Variants in DKK2 observed in about 807,000 individuals in gnomAD.
DKK2 encodes dickkopf-related protein 2.
A neutral mutation model predicts 28.1 loss-of-function variants in DKK2; 11 were observed. The ratio of observed to expected loss-of-function variants is 0.39; its 90% CI spans 0.25 to 0.65. The LOEUF (loss-of-function observed/expected upper bound fraction) is 0.65. Among genes scored for constraint, DKK2 ranks in the 30% least tolerant of loss-of-function variants. The probability of loss-of-function intolerance (pLI) is 0.47; values close to 1 mark genes in which losing one functional copy is unlikely to be tolerated. For synonymous variants in DKK2, 135 were observed against 126.5 expected, an observed-to-expected ratio of 1.07 and a Z score of -0.45; for missense variants, 326 against 335.5, an observed-to-expected ratio of 0.97 and a Z score of 0.22.
intron 1 of DKK2, among the ~76,000 whole-genome samples, chr4:106,928,155 C>G (rs1293593426): frequency 6.6e-6 from 1 of 151,990 alleles, no homozygotes; most frequent in East Asian, 1.9e-4. Context: ...TGACAAATAT[C>G]TGATGCAGAT....
intron 1 of DKK2, among the ~76,000 whole-genome samples, chr4:107,017,335 T>C (rs911428171): frequency 6.6e-6 from 1 of 152,040 alleles, no homozygotes; most frequent in African/African-American, 2.4e-5. Context: ...TTTAGTTTCC[T>C]CTTGAGCTTA....
intron 1 of DKK2, among the ~76,000 whole-genome samples, chr4:107,016,310 T>C (rs1723603251): frequency 6.6e-6 from 1 of 151,938 alleles, no homozygotes; most frequent in Non-Finnish European, 1.5e-5. Flanking sequence ...ATAAAAGTTT[T>C]CTATTGTTAT....
intron 1 of DKK2, among the ~76,000 whole-genome samples, chr4:106,934,152 G>A (rs1343177876): frequency 6.6e-6 from 1 of 151,900 alleles, no homozygotes; most frequent in Non-Finnish European, 1.5e-5. Flanking sequence ...GTAACAGGAA[G>A]GTAGACAGGA....
chr4:106,981,251 A>G (rs1226321189), intron 1 of DKK2, among the ~76,000 whole-genome samples: 2 of 152,188 alleles, frequency 1.3e-5, no homozygotes, highest in African/African-American at 4.8e-5. Flanking sequence ...TGATAAAAAT[A>G]TTATAATTTC....
intron 1 of DKK2, among the ~76,000 whole-genome samples, chr4:107,000,316 C>T (rs537111508): frequency 2.6e-5 from 4 of 152,242 alleles, no homozygotes; most frequent in African/African-American, 9.6e-5. Flanking sequence ...AATTCATCAA[C>T]AATATGGCAC....
intron 1 of DKK2, among the ~76,000 whole-genome samples, chr4:106,942,057 A>G (rs1051637576): frequency 1.5e-4 from 23 of 152,160 alleles, no homozygotes; most frequent in Admixed American, 6.6e-5. Flanking sequence ...GTACAGAGAA[A>G]GACTCTATCA....
At chr4:106,997,521 T>C (rs772352206) in intron 1 of DKK2, among the ~76,000 whole-genome samples, 2 of 152,130 alleles carry the variant, frequency 1.3e-5, no homozygotes, top group African/African-American at 2.4e-5. Flanking sequence ...AACAAAACTC[T>C]ATCCAGTCAC....
At chr4:107,021,507 T>C (rs1723690486) in intron 1 of DKK2, among the ~76,000 whole-genome samples, 1 of 152,046 alleles carries the variant, frequency 6.6e-6, no homozygotes. Context: ...ATGTCTTAGT[T>C]TGATATATTT....
intron 1 of DKK2, among the ~76,000 whole-genome samples, chr4:107,025,690 T>G (rs1302230864): frequency 6.6e-6 from 1 of 152,178 alleles, no homozygotes; most frequent in Non-Finnish European, 1.5e-5. Context: ...CTTTAAAGTA[T>G]CAGGACTGAA....
intron 1 of DKK2, among the ~76,000 whole-genome samples, chr4:106,995,220 T>C (rs1045721565): frequency 2.6e-5 from 4 of 152,118 alleles, no homozygotes; most frequent in Non-Finnish European, 5.9e-5. Context: ...CTATAGAATT[T>C]TTGTTATTCT....
chr4:106,975,842 T>A (rs764698188), intron 1 of DKK2, among the ~76,000 whole-genome samples: 8 of 152,218 alleles, frequency 5.3e-5, no homozygotes, highest in Non-Finnish European at 7.3e-5. Flanking sequence ...AGGGTGCTGA[T>A]TTTAGATCTT....
At chr4:106,944,134 T>G (rs1461170613) in intron 1 of DKK2, among the ~76,000 whole-genome samples, 1 of 152,142 alleles carries the variant, frequency 6.6e-6, no homozygotes, top group Non-Finnish European at 1.5e-5. Context: ...TTGTTGGTAC[T>G]AAGGAGATCA....
intron 1 of DKK2, among the ~76,000 whole-genome samples, chr4:107,030,101 C>G (rs1169438715): frequency 1.3e-5 from 2 of 151,864 alleles, no homozygotes; most frequent in Non-Finnish European, 2.9e-5. Context: ...CTAATTACTT[C>G]TATTAAAAAA....
chr4:107,035,899 G>A lies in DKK2; in HGVS notation c.-308C>T, dbSNP rs1425824700. On this transcript the variant is annotated 5_prime_UTR_variant, in exon 1 of 4. Transcript: ENST00000285311. ...GTGACCCAAGGTGCAAGAAAACCCAGCCCTGTGGATCGCACCGCTTCCGTT... is the reference window on the plus strand; with the variant it reads ...GTGACCCAAGGTGCAAGAAAACCCAACCCTGTGGATCGCACCGCTTCCGTT... 3 of 425,808 alleles carry A rather than the reference G, an allele frequency of 7.0e-6. No individual in the cohort carries two copies. The highest frequency in any genetic ancestry group is 1.3e-5 in the Non-Finnish European group (3 of 231,334). The allele number at this position is 425,808 out of a possible 1,614,324, so 26.4% of individuals were successfully genotyped here.
intron 1 of DKK2, among the ~76,000 whole-genome samples, chr4:106,962,642 A>G (rs1722709074): frequency 6.6e-6 from 1 of 151,938 alleles, no homozygotes; most frequent in Non-Finnish European, 1.5e-5. Flanking sequence ...TAAGACCTGA[A>G]ACTATAAACT....
At chr4:107,010,559 T>C (rs934310719) in intron 1 of DKK2, among the ~76,000 whole-genome samples, 1 of 151,660 alleles carries the variant, frequency 6.6e-6, no homozygotes, top group East Asian at 1.9e-4. Context: ...AAGTATGTGG[T>C]CCAACTTTAG....
intron 1 of DKK2, among the ~76,000 whole-genome samples, chr4:107,012,374 T>C (rs1723529262): frequency 1.3e-5 from 2 of 151,450 alleles, no homozygotes; most frequent in East Asian, 3.9e-4. Context: ...TGAGACTTTA[T>C]GATTCTTTAT....
intron 1 of DKK2, among the ~76,000 whole-genome samples, chr4:106,955,958 A>G (rs373459681): frequency 3.3e-5 from 5 of 152,220 alleles, no homozygotes; most frequent in South Asian, 4.1e-4. Context: ...TCATTTTACC[A>G]TAGCTACATT....
intron 1 of DKK2, among the ~76,000 whole-genome samples, chr4:106,967,022 TTTAAA>T (rs1441525184): frequency 1.3e-5 from 2 of 152,112 alleles, no homozygotes; most frequent in Non-Finnish European, 2.9e-5. Context: ...ATTTTTTAAG[TTTAAA>T]GGAGGAACAA....
Sources: allele counts gnomAD v4.1 joint callset (sites outside exome capture counted in the v4.1 genomes callset), GRCh38; gene constraint gnomAD v4.1.1; transcripts MANE v1.5; gene names NCBI Gene and HGNC (gene_info 2026-07-23, HGNC 2026-07-21).